The following ZNF722 variants were observed in gnomAD, a reference collection of about 807,000 sequenced individuals.
ZNF722 encodes zinc finger protein 722.
At chr7:64,006,753 A>C in the ZNF722 span, among the ~76,000 whole-genome samples, 1 of 152,016 alleles carries the variant, frequency 6.6e-6, no homozygotes, top group Non-Finnish European at 1.5e-5. Context: ...TACACAGGCC[A>C]TTCTGTTTTT....
the ZNF722 span, chr7:64,005,560 C>T: frequency 2.6e-6 from 2 of 781,504 alleles, no homozygotes. Flanking sequence ...CCTATGGCCA[C>T]ATGGTAACTG....
the ZNF722 span, among the ~76,000 whole-genome samples, chr7:64,007,531 G>T: frequency 6.6e-6 from 1 of 152,006 alleles, no homozygotes; most frequent in South Asian, 2.1e-4. Context: ...TCAGAATGAT[G>T]GTTTCCAGCT....
At chr7:64,017,822 T>C in the ZNF722 span, among the ~76,000 whole-genome samples, 1 of 152,202 alleles carries the variant, frequency 6.6e-6, no homozygotes, top group African/African-American at 2.4e-5. Flanking sequence ...AGAAGTAGTT[T>C]TTTTTGGAGA....
At chr7:64,006,994 G>C in the ZNF722 span, among the ~76,000 whole-genome samples, 1 of 151,494 alleles carries the variant, frequency 6.6e-6, no homozygotes, top group Admixed American at 6.6e-5. Context: ...TTAATTATTT[G>C]AAGGACATTT....
At chr7:64,015,322 A>C in the ZNF722 span, 1 of 1,339,028 alleles carries the variant, frequency 7.5e-7, no homozygotes, top group Non-Finnish European at 1.1e-6. Flanking sequence ...AAACATTTCA[A>C]ATGTAAAAAA....
chr7:64,005,108 G>A, the ZNF722 span, among the ~76,000 whole-genome samples: 30 of 152,214 alleles, frequency 2.0e-4, no homozygotes, highest in Middle Eastern at 6.8e-3. Context: ...AGACCTGCCT[G>A]GCCAACATGG....
the ZNF722 span, among the ~76,000 whole-genome samples, chr7:64,010,754 T>C: frequency 1.3e-5 from 2 of 152,214 alleles, no homozygotes; most frequent in South Asian, 4.1e-4. Context: ...TAGATGTCTA[T>C]TAGGTCTGCT....
At chr7:64,015,099 C>A in the ZNF722 span, 1 of 1,423,996 alleles carries the variant, frequency 7.0e-7, no homozygotes, top group Admixed American at 1.7e-5. Context: ...AAAAGTAATA[C>A]CAAGAACATA....
the ZNF722 span, among the ~76,000 whole-genome samples, chr7:64,004,423 AAAATATATATATATATAT>A: frequency 1.6e-5 from 1 of 61,744 alleles, no homozygotes; most frequent in African/African-American, 6.9e-5. Flanking sequence ...AAAAAAAAAA[AAAATATATATATATATAT>A]ATATATATAT....
chr7:64,001,046 G>A, the ZNF722 span, among the ~76,000 whole-genome samples: 2 of 152,180 alleles, frequency 1.3e-5, no homozygotes, highest in Non-Finnish European at 2.9e-5. Flanking sequence ...CAACGTTCTG[G>A]GGTTACAGGC....
chr7:64,016,711 G>A, the ZNF722 span, among the ~76,000 whole-genome samples: 4 of 152,098 alleles, frequency 2.6e-5, no homozygotes, highest in Non-Finnish European at 5.9e-5. Context: ...ATGTGGCAAA[G>A]CCTTTAACTG....
the ZNF722 span, chr7:64,005,666 T>C: frequency 4.1e-6 from 6 of 1,460,732 alleles, no homozygotes; most frequent in African/African-American, 5.6e-5. Context: ...GGAGTGGCAA[T>C]GCCTGGATTG....
At chr7:64,004,548 A>G in the ZNF722 span, among the ~76,000 whole-genome samples, 2 of 150,532 alleles carry the variant, frequency 1.3e-5, no homozygotes, top group African/African-American at 4.9e-5. Flanking sequence ...ACATAATACA[A>G]ATGTGTCCTA....
the ZNF722 span, among the ~76,000 whole-genome samples, chr7:64,014,739 G>A: frequency 3.3e-5 from 5 of 152,294 alleles, no homozygotes; most frequent in Admixed American, 3.3e-4. Flanking sequence ...TTCTACTGGG[G>A]ATGAGGAAGG....
the ZNF722 span, among the ~76,000 whole-genome samples, chr7:64,003,391 A>G: frequency 1.3e-5 from 2 of 152,072 alleles, no homozygotes; most frequent in Non-Finnish European, 2.9e-5. Flanking sequence ...GTAGCAGGTG[A>G]ATAGGTTGTG....
the ZNF722 span, chr7:64,016,163 G>T: frequency 2.8e-6 from 1 of 358,014 alleles, no homozygotes; most frequent in Non-Finnish European, 5.0e-6. Flanking sequence ...TTTTGAGATG[G>T]TATCTCCCTT....
chr7:63,998,910 T>A, the ZNF722 span: 3 of 1,466,736 alleles, frequency 2.0e-6, no homozygotes, highest in Admixed American at 4.0e-5. Context: ...CATTCTCTGC[T>A]CCTAGAGGCC....
chr7:64,004,422 AAAAATATATATATATATAT>A, the ZNF722 span, among the ~76,000 whole-genome samples: 10 of 88,242 alleles, frequency 1.1e-4, no homozygotes, highest in African/African-American at 3.8e-4. Flanking sequence ...AAAAAAAAAA[AAAAATATATATATATATAT>A]ATATATATAT....
chr7:64,006,663 A>G, the ZNF722 span, among the ~76,000 whole-genome samples: 2 of 152,240 alleles, frequency 1.3e-5, no homozygotes, highest in South Asian at 4.1e-4. Flanking sequence ...ACGTTAAACT[A>G]TTTATAAAAT....
Sources: allele counts gnomAD v4.1 joint callset (sites outside exome capture counted in the v4.1 genomes callset), GRCh38; gene constraint gnomAD v4.1.1; transcripts MANE v1.5; gene names NCBI Gene and HGNC (gene_info 2026-07-23, HGNC 2026-07-21).